UBE3C: variants seen among roughly 807,000 people sequenced by gnomAD.
UBE3C encodes the protein ubiquitin-protein ligase E3C.
A neutral mutation model predicts 129.4 loss-of-function variants in UBE3C; 42 were observed. The observed-to-expected ratio is 0.32, with a 90% CI of 0.25 to 0.42. The LOEUF (loss-of-function observed/expected upper bound fraction) is 0.42, where lower values mean the gene tolerates loss of function less well. Among genes scored for constraint, UBE3C ranks in the 10% least tolerant of loss-of-function variants. The probability of loss-of-function intolerance (pLI) is 1.00; values close to 1 mark genes in which losing one functional copy is unlikely to be tolerated. For missense variants in UBE3C, 1,049 were observed against 1,319.1 expected (o/e 0.80, Z 3.17); for synonymous variants, 510 against 492.4 (o/e 1.04, Z -0.47).
chr7:157,235,942 C>A (rs1796141491), intron 18 of UBE3C, among the ~76,000 whole-genome samples: 1 of 152,162 alleles, frequency 6.6e-6, no homozygotes. Flanking sequence ...ATTACATCTT[C>A]AAGAGAAGAA....
At chr7:157,208,228 C>T (rs753698802) in intron 13 of UBE3C, among the ~76,000 whole-genome samples, 14 of 151,792 alleles carry the variant, frequency 9.2e-5, no homozygotes, top group East Asian at 1.9e-4. Flanking sequence ...GCACATGCCA[C>T]CACACCCAGC....
Position 157,174,940 on chromosome 7 carries a change from A to G in UBE3C, c.364A>G (p.Ile122Val). The G allele has an allele frequency of 6.2e-7, 1 of 1,611,650 alleles. No individual in the cohort carries two copies. The change falls in exon 5 of 23, where the codon ATT (isoleucine) becomes GTT (valine). Residue 122 changes from isoleucine (I) to valine (V), a missense_variant. Ile to Val is a conservative substitution (Grantham distance 29). Around this residue, in one of 4 missense-constraint regions of UBE3C, gnomAD observed 489 missense variants for 513.8 expected, o/e 0.95. Coordinates refer to ENST00000348165, the MANE Select transcript of UBE3C (RefSeq NM_014671.3). ...TCAGATATGGCTGTATCAGAACTTA[A>G]TTAAACACAGCTCTCTGTTTGTCAA... ...KRLIWLYQNL[I>V]KHSSLFVKQL... is the part of the protein sequence containing the mutation.
At chr7:157,183,105 G>A (rs1303687704) in intron 8 of UBE3C, among the ~76,000 whole-genome samples, 1 of 152,098 alleles carries the variant, frequency 6.6e-6, no homozygotes, top group Non-Finnish European at 1.5e-5. Context: ...CAGAAATGTG[G>A]GGTTTTTTTT....
intron 10 of UBE3C, among the ~76,000 whole-genome samples, chr7:157,190,637 A>G (rs6951930): frequency 0.17 from 26,129 of 151,958 alleles, 2,499 homozygotes; most frequent in East Asian, 0.35. Flanking sequence ...TGTATTCTCT[A>G]TGTCATGGTT....
At chr7:157,150,797 A>G (rs544364237) in intron 1 of UBE3C, among the ~76,000 whole-genome samples, 27 of 152,340 alleles carry the variant, frequency 1.8e-4, no homozygotes, top group Middle Eastern at 3.4e-3. Context: ...CTTAATTTCC[A>G]TTGAATAAAA....
At chr7:157,165,751 C>G (rs1808196481) in intron 2 of UBE3C, among the ~76,000 whole-genome samples, 1 of 152,028 alleles carries the variant, frequency 6.6e-6, no homozygotes, top group Non-Finnish European at 1.5e-5. Flanking sequence ...TATTTCAGTT[C>G]TAGAATTTTC....
intron 2 of UBE3C, among the ~76,000 whole-genome samples, chr7:157,166,198 G>A (rs2116871211): frequency 6.6e-6 from 1 of 152,088 alleles, no homozygotes; most frequent in South Asian, 2.1e-4. Flanking sequence ...CTGTATTTTT[G>A]TCTGGCTGGA....
At chr7:157,165,731 C>G (rs948833401) in intron 2 of UBE3C, among the ~76,000 whole-genome samples, 2 of 152,098 alleles carry the variant, frequency 1.3e-5, no homozygotes, top group African/African-American at 2.4e-5. Flanking sequence ...TTCGTAATTT[C>G]AGTTTTTGTT....
intron 19 of UBE3C, 34 bp downstream of exon 19, chr7:157,248,614 A>G: frequency 6.2e-7 from 1 of 1,601,272 alleles, no homozygotes; most frequent in Non-Finnish European, 8.5e-7. Context: ...ACATACCTGT[A>G]TAGCAAGTAG....
intron 18 of UBE3C, among the ~76,000 whole-genome samples, chr7:157,237,139 T>C (rs1796172719): frequency 6.6e-6 from 1 of 152,192 alleles, no homozygotes; most frequent in South Asian, 2.1e-4. Context: ...AGTTGATTGC[T>C]GCACCTAAAT....
In UBE3C at chr7:157,170,347, C is replaced by G; in HGVS notation, c.239C>G (p.Ser80Ter). The change falls in exon 4 of 23, where the codon TCA becomes TGA. Residue 80 changes from serine (S) to a stop codon, truncating the protein, a stop_gained. Coordinates refer to ENST00000348165, the MANE Select transcript of UBE3C (RefSeq NM_014671.3). LOFTEE classifies it high-confidence loss of function. ...GCATTTGATCGCTGTGCTACCTTGT[C>G]ACAGTCCGGGGGCGCTTTTCCCATT... is the stretch of plus-strand genomic sequence containing the variant. ...RSAFDRCATL[S>*]QSGGAFPIAN... 1 of 1,560,968 alleles carries G rather than the reference C, an allele frequency of 6.4e-7. No individual in the cohort carries two copies. Among genetic ancestry groups the G allele is most frequent in the Non-Finnish European group, 8.6e-7 (1 of 1,158,896 alleles).
chr7:157,215,735 C>A (rs1399186667), intron 13 of UBE3C, among the ~76,000 whole-genome samples: 1 of 151,850 alleles, frequency 6.6e-6, no homozygotes, highest in African/African-American at 2.4e-5. Flanking sequence ...GTTATATGAT[C>A]CAATCCTGGT....
rs552574122 is a variant in UBE3C, at chr7:157,197,179, A to G, written c.1332-4542A>G. 3.3e-5 allele frequency among the ~76,000 whole-genome samples: 5 copies of G among 152,376 alleles called. 1 individual carries two copies. The South Asian group carries it at 6.2e-4, about 19-fold the overall frequency. On this transcript the variant is annotated intron_variant, in intron 10 of 22. Coordinates refer to ENST00000348165, the MANE Select transcript of UBE3C (RefSeq NM_014671.3). ...AACTAGACACTTTTCAGTATTTACT[A>G]CAGACAAATTTTCAACTTATTTGAT...
At chr7:157,209,231 G>A (rs182147247) in intron 13 of UBE3C, among the ~76,000 whole-genome samples, 7 of 152,264 alleles carry the variant, frequency 4.6e-5, no homozygotes, top group Admixed American at 1.3e-4. Flanking sequence ...TCTCCAGCCC[G>A]TTCTGCCTGG....
chr7:157,186,403 G>A (rs1808806542), intron 9 of UBE3C, among the ~76,000 whole-genome samples: 1 of 147,952 alleles, frequency 6.8e-6, no homozygotes, highest in Non-Finnish European at 1.5e-5. Context: ...GGGTGACAGA[G>A]CAAGACTGTC....
intron 18 of UBE3C, among the ~76,000 whole-genome samples, chr7:157,241,508 C>T (rs1383577607): frequency 1.3e-5 from 2 of 152,234 alleles, no homozygotes; most frequent in African/African-American, 4.8e-5. Context: ...AAAGCATAGC[C>T]ACAGGCTGCC....
chr7:157,192,862 T>C, intron 10 of UBE3C: 3 of 899,884 alleles, frequency 3.3e-6, no homozygotes, highest in South Asian at 2.9e-5. Flanking sequence ...AGACATGAAC[T>C]TAAAAAAAAA....
intron 1 of UBE3C, among the ~76,000 whole-genome samples, chr7:157,156,764 C>T (rs1207264055): frequency 1.3e-5 from 2 of 150,498 alleles, no homozygotes; most frequent in Non-Finnish European, 3.0e-5. Context: ...GATTGCTGTA[C>T]TTCTCCTGTC....
intron 15 of UBE3C, 123 bp downstream of exon 15, chr7:157,220,899 TA>T: frequency 8.5e-7 from 1 of 1,177,698 alleles, no homozygotes; most frequent in Non-Finnish European, 1.2e-6. Flanking sequence ...CAGCAGGAGC[TA>T]CCATGTAGAA....
Sources: gnomAD v4.1 joint callset for allele counts (sites outside exome capture counted in the v4.1 genomes callset) on GRCh38, gnomAD v4.1.1 for gene constraint, gnomAD v4.1.1 regional missense constraint, MANE v1.5 for transcripts, NCBI Gene and HGNC (gene_info 2026-07-23, HGNC 2026-07-21) for gene names.